PRKN: variants seen among roughly 807,000 people sequenced by gnomAD.
PRKN encodes the protein E3 ubiquitin-protein ligase parkin.
Under a neutral mutation model 59.5 loss-of-function variants are expected in PRKN, and 56 were observed. That is an observed-to-expected ratio of 0.94 (90% CI 0.76 to 1.18). PRKN has a LOEUF of 1.18. Ranked by LOEUF, PRKN falls within the 50% of genes most tolerant of loss-of-function variation. The probability of loss-of-function intolerance (pLI) is 0.00; values close to 1 mark genes in which losing one functional copy is unlikely to be tolerated. For missense variants in PRKN, 657 were observed against 596.4 expected, an observed-to-expected ratio of 1.10 and a Z score of -1.06; for synonymous variants, 250 against 222.1, an observed-to-expected ratio of 1.13 and a Z score of -1.12.
chr6:162,070,436 C>G (rs1334196801), intron 4 of PRKN, among the ~76,000 whole-genome samples: 2 of 152,112 alleles, frequency 1.3e-5, no homozygotes, highest in African/African-American at 4.8e-5. Context: ...TATGTGGGGT[C>G]AGCTCGGATG....
At chr6:162,019,817 G>A (rs1170173284) in intron 5 of PRKN, among the ~76,000 whole-genome samples, 3 of 152,134 alleles carry the variant, frequency 2.0e-5, no homozygotes, top group Admixed American at 2.0e-4. Context: ...TCAGGAGCTC[G>A]AGACCAGCCT....
At chr6:162,294,660 T>C (rs1781584617) in intron 2 of PRKN, among the ~76,000 whole-genome samples, 1 of 152,136 alleles carries the variant, frequency 6.6e-6, no homozygotes, top group Non-Finnish European at 1.5e-5. Flanking sequence ...TTATTAAAGA[T>C]GTGCTTGCTC....
At chr6:162,306,705 A>G (rs575654062) in intron 2 of PRKN, among the ~76,000 whole-genome samples, 48 of 152,322 alleles carry the variant, frequency 3.2e-4, no homozygotes, top group Non-Finnish European at 6.3e-4. Context: ...AATGAAGAAA[A>G]TTATTAGACA....
intron 3 of PRKN, among the ~76,000 whole-genome samples, chr6:162,240,306 C>T (rs994630841): frequency 3.3e-5 from 5 of 152,124 alleles, no homozygotes; most frequent in Non-Finnish European, 5.9e-5. Context: ...TGACATCTTG[C>T]GGTATAAAAG....
intron 1 of PRKN, among the ~76,000 whole-genome samples, chr6:162,524,048 T>A (rs1778181457): frequency 6.6e-6 from 1 of 151,198 alleles, no homozygotes; most frequent in Non-Finnish European, 1.5e-5. Flanking sequence ...CTCAGATGTT[T>A]AAAAAAAAAG....
chr6:161,637,417 C>T (rs1363500398), intron 7 of PRKN, among the ~76,000 whole-genome samples: 2 of 149,026 alleles, frequency 1.3e-5, no homozygotes, highest in African/African-American at 5.1e-5. Flanking sequence ...ACTTTTTATT[C>T]CTGTGGCAAA....
chr6:162,061,930 A>C (rs938595039), intron 4 of PRKN, among the ~76,000 whole-genome samples: 13 of 152,256 alleles, frequency 8.5e-5, no homozygotes, highest in Admixed American at 2.0e-4. Context: ...AAGACAGGCA[A>C]GTTGGAAGAC....
rs903983093 is a variant in PRKN, at chr6:161,533,901, G to A, written c.1083+14953C>T. Among the ~76,000 whole-genome samples the A allele has an allele frequency of 6.6e-6, 1 of 152,064 alleles. No homozygotes were observed. Among genetic ancestry groups the A allele is most frequent in the Admixed American group, 6.6e-5 (1 of 15,252 alleles). On this transcript the variant is annotated intron_variant, in intron 9 of 11. Coordinates refer to ENST00000366898, the MANE Select transcript of PRKN (RefSeq NM_004562.3). This position sits in a 1 kb window ranked among gnomAD's most constrained non-coding sequence, Gnocchi z 4.1. ...AGTAGGAAGAGAAAAGATAAACAGCGATTCCTGTTTTATAAGGTAGGAAGG... is the reference window on the plus strand; with the variant it reads ...AGTAGGAAGAGAAAAGATAAACAGCAATTCCTGTTTTATAAGGTAGGAAGG...
rs188880811 is a variant in PRKN at position 161,891,826 on chromosome 6, G to A, written c.734+81476C>T. Among the ~76,000 whole-genome samples, 6 of 152,322 alleles carry A rather than the reference G, an allele frequency of 3.9e-5. No individual in the cohort carries two copies. In the East Asian group the frequency reaches 7.7e-4, roughly 20 times the overall value. On this transcript the variant is annotated intron_variant, in intron 6 of 11. Coordinates refer to ENST00000366898, the MANE Select transcript of PRKN (RefSeq NM_004562.3). ...TAGCTCTTGGGATAGAGGAGCTGCTGTCTCAAGAAAAGCAAATATGTAGGT... is the reference window on the plus strand; with the variant it reads ...TAGCTCTTGGGATAGAGGAGCTGCTATCTCAAGAAAAGCAAATATGTAGGT...
At chr6:161,796,797 C>CAAA (rs1177204936) in intron 6 of PRKN, among the ~76,000 whole-genome samples, 2 of 152,172 alleles carry the variant, frequency 1.3e-5, no homozygotes, top group Non-Finnish European at 2.9e-5. Context: ...TTGCACAGAG[C>CAAA]TGTTATGTGG....
chr6:162,211,032 G>C (rs1296751813), intron 3 of PRKN, among the ~76,000 whole-genome samples: 1 of 152,162 alleles, frequency 6.6e-6, no homozygotes, highest in East Asian at 1.9e-4. Flanking sequence ...GTGTCCCCAA[G>C]ACAGCACTCG....
intron 5 of PRKN, among the ~76,000 whole-genome samples, chr6:162,040,508 C>T (rs935284446): frequency 2.0e-5 from 3 of 150,294 alleles, no homozygotes; most frequent in Admixed American, 1.3e-4. Flanking sequence ...CAGGTTCAAG[C>T]GATTCTTGTG....
At position 162,514,773 on chromosome 6, in the gene PRKN, A is replaced by G. The variant is rs1037679399; in HGVS notation, c.8-71300T>C. ...AGTGAGACCCATCTCTATAAAAGAAAAAACAAAAACTTTTCAGTCCTGATG... is the reference window on the plus strand; with the variant it reads ...AGTGAGACCCATCTCTATAAAAGAAGAAACAAAAACTTTTCAGTCCTGATG... On this transcript the variant is annotated intron_variant, in intron 1 of 11. Coordinates refer to ENST00000366898, the MANE Select transcript of PRKN (RefSeq NM_004562.3). Among the ~76,000 whole-genome samples the G allele has an allele frequency of 1.6e-4, 24 of 152,168 alleles. 1 individual carries two copies. The highest frequency in any genetic ancestry group is 3.4e-4 in the Non-Finnish European group (23 of 68,024).
intron 5 of PRKN, among the ~76,000 whole-genome samples, chr6:162,006,368 C>T (rs534257921): frequency 3.0e-4 from 45 of 152,304 alleles, no homozygotes; most frequent in Non-Finnish European, 6.0e-4. Context: ...ACAATGTCAA[C>T]CAGATTCCAC....
At chr6:162,684,914 G>A (rs764434777) in intron 1 of PRKN, among the ~76,000 whole-genome samples, 62 of 152,096 alleles carry the variant, frequency 4.1e-4, no homozygotes, top group African/African-American at 1.1e-3. Context: ...GAACTTCATC[G>A]GACCTTTAAA....
At chr6:161,492,743 T>C (rs970403361) in intron 9 of PRKN, among the ~76,000 whole-genome samples, 1 of 152,104 alleles carries the variant, frequency 6.6e-6, no homozygotes, top group African/African-American at 2.4e-5. Flanking sequence ...GACAGAGAAG[T>C]GGGTACTGGT....
At chr6:162,530,860 C>G (rs1778480982) in intron 1 of PRKN, among the ~76,000 whole-genome samples, 1 of 151,776 alleles carries the variant, frequency 6.6e-6, no homozygotes, top group Non-Finnish European at 1.5e-5. Context: ...AATTTGAGAC[C>G]AGCCTGTGCA....
At chr6:162,183,638 G>A (rs924222419) in intron 4 of PRKN, among the ~76,000 whole-genome samples, 12 of 152,184 alleles carry the variant, frequency 7.9e-5, no homozygotes, top group African/African-American at 2.7e-4. Flanking sequence ...AAAACTATAA[G>A]TTGGGAAACT....
intron 2 of PRKN, among the ~76,000 whole-genome samples, chr6:162,359,913 C>T (rs1402939093): frequency 1.3e-5 from 2 of 152,110 alleles, no homozygotes; most frequent in Non-Finnish European, 2.9e-5. Context: ...ACATTTTTAT[C>T]CGAAAATCTT....
Sources: allele counts gnomAD v4.1 joint callset (sites outside exome capture counted in the v4.1 genomes callset), GRCh38; gene constraint gnomAD v4.1.1; non-coding constraint Gnocchi (gnomAD v3.1); transcripts MANE v1.5; gene names NCBI Gene and HGNC (gene_info 2026-07-23, HGNC 2026-07-21).